PIK3C2G: variants seen among roughly 807,000 people sequenced by gnomAD.
The protein encoded by PIK3C2G is phosphatidylinositol-4-phosphate 3-kinase catalytic subunit type 2 gamma.
Under a neutral mutation model 181.1 loss-of-function variants are expected in PIK3C2G, and 168 were observed. That is an observed-to-expected ratio of 0.93 (90% CI 0.82 to 1.05). The LOEUF is 1.05. Among genes scored for constraint, PIK3C2G ranks in the 50% least tolerant of loss-of-function variants. The pLI, the probability that PIK3C2G is intolerant of heterozygous loss-of-function variation, is 0.00. For missense variants in PIK3C2G, 1,869 were observed against 1,732.8 expected (o/e 1.08, Z -1.40); for synonymous variants, 573 against 592.2 (o/e 0.97, Z 0.47).
chr12:18,468,968 T>C (rs1481364422), intron 18 of PIK3C2G, among the ~76,000 whole-genome samples: 3 of 152,014 alleles, frequency 2.0e-5, no homozygotes, highest in South Asian at 4.1e-4. Flanking sequence ...CTAAAATATA[T>C]CTTAGGGAGA....
chr12:18,251,549 C>T (rs912252547), intron 1 of PIK3C2G, among the ~76,000 whole-genome samples: 8 of 152,068 alleles, frequency 5.3e-5, no homozygotes, highest in Non-Finnish European at 1.0e-4. Context: ...ATGTGTCCCA[C>T]TCTTACTTTT....
intron 5 of PIK3C2G, among the ~76,000 whole-genome samples, chr12:18,295,104 T>C (rs1949878998): frequency 6.7e-6 from 1 of 149,630 alleles, no homozygotes; most frequent in African/African-American, 2.4e-5. Context: ...AGCATTTTTA[T>C]AATTATTATT....
intron 22 of PIK3C2G, among the ~76,000 whole-genome samples, chr12:18,499,375 C>T (rs149155688): frequency 5.5e-4 from 84 of 152,248 alleles, no homozygotes; most frequent in Non-Finnish European, 9.1e-4. Flanking sequence ...CAAGAAATGT[C>T]ACAACGTGAG....
intron 31 of PIK3C2G, 22 bp from the exon 32 acceptor site, chr12:18,640,407 T>G (rs769740605): frequency 5.0e-6 from 8 of 1,598,658 alleles, no homozygotes; most frequent in African/African-American, 1.3e-5. Context: ...GCATTAATAT[T>G]TATAACCATT....
At chr12:18,691,085 C>G in the PIK3C2G span, among the ~76,000 whole-genome samples, 2 of 152,008 alleles carry the variant, frequency 1.3e-5, no homozygotes, top group Non-Finnish European at 2.9e-5. Context: ...ATTCCTGATA[C>G]AGGAGAGCAG....
intron 1 of PIK3C2G, among the ~76,000 whole-genome samples, chr12:18,255,216 A>AAAATAAAT (rs59041304): frequency 0.052 from 6,867 of 131,736 alleles, 224 homozygotes; most frequent in Non-Finnish European, 0.069. Context: ...CTCCGTCTCA[A>AAAATAAAT]AAATAAATAA....
At chr12:18,650,746 A>G (rs866207078), downstream of PIK3C2G, among the ~76,000 whole-genome samples, 10,188 of 54,568 alleles carry the variant, frequency 0.19, 776 homozygotes, top group African/African-American at 0.28. Flanking sequence ...ATATATATAT[A>G]TATATATATA....
At chr12:18,426,011 A>C (rs556202467) in intron 18 of PIK3C2G, among the ~76,000 whole-genome samples, 18 of 152,260 alleles carry the variant, frequency 1.2e-4, no homozygotes, top group African/African-American at 4.3e-4. Flanking sequence ...TGTCATCAAG[A>C]CCTTGACTTT....
chr12:18,360,508 A>G (rs1941141198), intron 11 of PIK3C2G, among the ~76,000 whole-genome samples: 2 of 152,114 alleles, frequency 1.3e-5, no homozygotes, highest in South Asian at 2.1e-4. Flanking sequence ...GCATTGTTGC[A>G]TTTCAATTTG....
chr12:18,604,706 A>G (rs1359724358), intron 30 of PIK3C2G, among the ~76,000 whole-genome samples: 3 of 152,228 alleles, frequency 2.0e-5, no homozygotes, highest in Non-Finnish European at 4.4e-5. Context: ...CTCTCAGACT[A>G]CAATGGATTA....
chr12:18,542,770 T>C (rs1487764414), intron 25 of PIK3C2G, among the ~76,000 whole-genome samples: 1 of 152,014 alleles, frequency 6.6e-6, no homozygotes, highest in Non-Finnish European at 1.5e-5. Context: ...TAGTATTCTA[T>C]GGTGTATATG....
chr12:18,362,708 G>A (rs1206339688), intron 11 of PIK3C2G, 56 bp from the exon 12 acceptor site: 2 of 1,323,246 alleles, frequency 1.5e-6, no homozygotes, highest in African/African-American at 3.0e-5. Context: ...GACCCATATA[G>A]AAAGCTAGTT....
chr12:18,592,345 A>C (rs1947127939), intron 29 of PIK3C2G, among the ~76,000 whole-genome samples: 1 of 151,908 alleles, frequency 6.6e-6, no homozygotes, highest in South Asian at 2.1e-4. Flanking sequence ...GGCAATAGAA[A>C]GGGAAGACAG....
chr12:18,675,023 G>A, the PIK3C2G span, among the ~76,000 whole-genome samples: 3 of 152,100 alleles, frequency 2.0e-5, no homozygotes, highest in Non-Finnish European at 2.9e-5. Flanking sequence ...TTCCAAAGAC[G>A]GCAATAGTCT....
At position 18,488,434 on chromosome 12, in the gene PIK3C2G, C is replaced by T. The variant is rs759610451; in HGVS notation, c.2505-15C>T. On this transcript the variant is annotated splice_polypyrimidine_tract_variant and intron_variant, in intron 18 of 32. Coordinates refer to ENST00000538779, the MANE Select transcript of PIK3C2G (RefSeq NM_001288772.2). ...GCTTTACATACAAGAATTTTTTTCT[C>T]TCTCTTTCCTTCAGGCTGCTAAAAA... is the stretch of plus-strand genomic sequence containing the variant. 4 of 1,473,630 alleles carry T rather than the reference C, an allele frequency of 2.7e-6. No homozygotes were observed. The highest frequency in any genetic ancestry group is 2.5e-5 in the Admixed American group (1 of 39,754). 91.3% of individuals were successfully genotyped at this position (1,473,630 alleles called of 1,614,324 possible). A position where few individuals can be genotyped will look rare whatever the true frequency, so the allele number is the denominator to read the frequency against.
intron 29 of PIK3C2G, among the ~76,000 whole-genome samples, chr12:18,593,447 G>A (rs1216877820): frequency 2.0e-5 from 3 of 151,914 alleles, no homozygotes; most frequent in African/African-American, 7.2e-5. Context: ...AGGAGTCAGA[G>A]TTGGAAGTTA....
At chr12:18,366,739 T>TAA (rs34619971) in intron 12 of PIK3C2G, among the ~76,000 whole-genome samples, 8 of 146,582 alleles carry the variant, frequency 5.5e-5, no homozygotes, top group African/African-American at 7.5e-5. Context: ...TTCCTTGGTT[T>TAA]AAAAAAAAAA....
the PIK3C2G span, among the ~76,000 whole-genome samples, chr12:18,670,625 C>T: frequency 5.9e-5 from 9 of 152,176 alleles, no homozygotes; most frequent in Non-Finnish European, 8.8e-5. Context: ...TAGGATAATG[C>T]TTGGAATATG....
chr12:18,386,231 A>G (rs1312122880), intron 14 of PIK3C2G, among the ~76,000 whole-genome samples: 1 of 152,142 alleles, frequency 6.6e-6, no homozygotes, highest in Non-Finnish European at 1.5e-5. Flanking sequence ...TGCACAGTGG[A>G]CATATTCTCC....
Sources: gnomAD v4.1 joint callset for allele counts (sites outside exome capture counted in the v4.1 genomes callset) on GRCh38, gnomAD v4.1.1 for gene constraint, MANE v1.5 for transcripts, NCBI Gene and HGNC (gene_info 2026-07-23, HGNC 2026-07-21) for gene names.